The following WWOX variants were observed in gnomAD, a reference collection of about 807,000 sequenced individuals.
WWOX encodes WW domain containing oxidoreductase.
WWOX carries 69 observed loss-of-function variants against 46.2 expected under a neutral mutation model. The ratio of observed to expected loss-of-function variants is 1.49; its 90% CI spans 1.23 to 1.82. WWOX has a LOEUF of 1.82. Among genes scored for constraint, WWOX ranks in the 40% most tolerant of loss-of-function variants. WWOX has a pLI of 0.00. For synonymous variants in WWOX, 359 were observed against 202.6 expected (o/e 1.77, Z -6.56); for missense variants, 919 against 542.6 (o/e 1.69, Z -6.89).
At chr16:78,209,256 C>T (rs1387808991) in intron 5 of WWOX, among the ~76,000 whole-genome samples, 4 of 152,286 alleles carry the variant, frequency 2.6e-5, no homozygotes, top group Non-Finnish European at 4.4e-5. Flanking sequence ...CAGCAAGGAG[C>T]TCTGCAGCCC....
At chr16:78,403,213 G>A (rs1316121115) in intron 6 of WWOX, among the ~76,000 whole-genome samples, 2 of 152,112 alleles carry the variant, frequency 1.3e-5, no homozygotes, top group Non-Finnish European at 2.9e-5. Context: ...TTTTCTTATT[G>A]TTTGTAAGTT....
intron 5 of WWOX, among the ~76,000 whole-genome samples, chr16:78,184,571 A>G (rs1306226645): frequency 9.0e-6 from 1 of 111,170 alleles, no homozygotes; most frequent in Non-Finnish European, 2.3e-5. Context: ...TTCCCCGTTT[A>G]TACTATAAAC....
chr16:79,060,490 C>T (rs985830607), intron 8 of WWOX, among the ~76,000 whole-genome samples: 4 of 152,188 alleles, frequency 2.6e-5, no homozygotes, highest in African/African-American at 9.7e-5. Context: ...TGAATTTTTC[C>T]AATTTGTGCT....
chr16:78,161,487 C>G lies in WWOX; in HGVS notation c.410-2696C>G, dbSNP rs150636559. Among the ~76,000 whole-genome samples, 14 of 151,940 alleles carry G rather than the reference C, an allele frequency of 9.2e-5. No homozygotes were observed. The East Asian group carries it at 2.7e-3, about 29-fold the overall frequency. Reference sequence around the variant, plus strand: ...ATTGAGACAGGGCCTTGCTCTGTCACTCTGGCTGGAGTGCAGTGGCATAAT... The same window carrying G: ...ATTGAGACAGGGCCTTGCTCTGTCAGTCTGGCTGGAGTGCAGTGGCATAAT... On this transcript the variant is annotated intron_variant, in intron 4 of 8. Transcript: ENST00000566780.
chr16:78,852,563 C>G lies in WWOX; in HGVS notation c.1057-359045C>G, dbSNP rs1219435849. ...GGATGACCACAGATGAAATGACCAT[C>G]TTGACTTAGGAGACACCCAAGTCAA... On this transcript the variant is annotated intron_variant, in intron 8 of 8. Transcript: ENST00000566780. Among the ~76,000 whole-genome samples the G allele has an allele frequency of 3.9e-5, 6 of 152,192 alleles. No homozygotes were observed. The East Asian group carries it at 1.2e-3, about 29-fold the overall frequency.
chr16:78,800,649 G>A (rs899220100), intron 8 of WWOX, among the ~76,000 whole-genome samples: 10 of 152,228 alleles, frequency 6.6e-5, no homozygotes, highest in African/African-American at 1.4e-4. Flanking sequence ...CAAAGGGGAA[G>A]CTGAGAACAG....
At chr16:78,450,402 A>C (rs1296145920) in intron 8 of WWOX, among the ~76,000 whole-genome samples, 1 of 152,184 alleles carries the variant, frequency 6.6e-6, no homozygotes, top group African/African-American at 2.4e-5. Flanking sequence ...TGAGAGAGAA[A>C]TCTTTTCTGA....
intron 8 of WWOX, among the ~76,000 whole-genome samples, chr16:78,978,986 C>A (rs1379458041): frequency 6.6e-6 from 1 of 152,072 alleles, no homozygotes; most frequent in Non-Finnish European, 1.5e-5. Flanking sequence ...GAAGCAGGTG[C>A]AATCATTTTA....
At chr16:78,501,575 C>T (rs973301761) in intron 8 of WWOX, among the ~76,000 whole-genome samples, 3 of 151,196 alleles carry the variant, frequency 2.0e-5, no homozygotes, top group Non-Finnish European at 2.9e-5. Flanking sequence ...CTTCCTCTGT[C>T]ACCCAGGCTG....
At chr16:78,719,806 T>C (rs2048649644) in intron 8 of WWOX, among the ~76,000 whole-genome samples, 1 of 152,176 alleles carries the variant, frequency 6.6e-6, no homozygotes, top group South Asian at 2.1e-4. Flanking sequence ...TCTCTTATTA[T>C]AACAAACACC....
intron 8 of WWOX, among the ~76,000 whole-genome samples, chr16:78,590,046 G>C (rs568409229): frequency 6.6e-6 from 1 of 152,130 alleles, no homozygotes; most frequent in African/African-American, 2.4e-5. Flanking sequence ...TAAGTCCTAG[G>C]ATTATAGAAG....
At chr16:78,933,627 G>A (rs968608897) in intron 8 of WWOX, among the ~76,000 whole-genome samples, 1 of 152,132 alleles carries the variant, frequency 6.6e-6, no homozygotes, top group Non-Finnish European at 1.5e-5. Context: ...AAAGAAAGAA[G>A]TTTATTGGAC....
intron 8 of WWOX, among the ~76,000 whole-genome samples, chr16:78,707,456 G>A (rs997199416): frequency 2.6e-5 from 4 of 152,194 alleles, no homozygotes; most frequent in Non-Finnish European, 5.9e-5. Flanking sequence ...TCTTGGGCTA[G>A]TTGGTATAGC....
At chr16:78,373,094 C>T (rs911031782) in intron 5 of WWOX, among the ~76,000 whole-genome samples, 1 of 152,048 alleles carries the variant, frequency 6.6e-6, no homozygotes, top group African/African-American at 2.4e-5. Context: ...CTGGACAATG[C>T]TTTTTTTCAG....
intron 8 of WWOX, among the ~76,000 whole-genome samples, chr16:78,459,843 C>T (rs2083908453): frequency 6.7e-6 from 1 of 148,498 alleles, no homozygotes; most frequent in Non-Finnish European, 1.5e-5. Context: ...AGTCTGTCAC[C>T]CAGGCTGCTG....
intron 8 of WWOX, among the ~76,000 whole-genome samples, chr16:78,600,359 G>T (rs146190833): frequency 2.9e-4 from 44 of 152,202 alleles, no homozygotes; most frequent in Middle Eastern, 3.4e-3. Flanking sequence ...TGGAGGGGGG[G>T]CCCCAGATGA....
chr16:78,824,384 C>T (rs2051590112), intron 8 of WWOX, among the ~76,000 whole-genome samples: 1 of 152,282 alleles, frequency 6.6e-6, no homozygotes, highest in South Asian at 2.1e-4. Context: ...GACTCTACAA[C>T]TCTGTTTTCC....
intron 8 of WWOX, among the ~76,000 whole-genome samples, chr16:78,828,762 C>G (rs1160995309): frequency 2.0e-5 from 3 of 152,014 alleles, no homozygotes; most frequent in Admixed American, 6.6e-5. Context: ...AAAGTGGGCA[C>G]AATTATTATT....
intron 8 of WWOX, among the ~76,000 whole-genome samples, chr16:79,129,544 G>A (rs949498552): frequency 1.7e-4 from 26 of 151,758 alleles, no homozygotes; most frequent in South Asian, 1.0e-3. Flanking sequence ...CCGAAAGACT[G>A]CTGTATTTAT....
Sources: gnomAD v4.1 joint callset for allele counts (sites outside exome capture counted in the v4.1 genomes callset) on GRCh38, gnomAD v4.1.1 for gene constraint, MANE v1.5 for transcripts, NCBI Gene and HGNC (gene_info 2026-07-23, HGNC 2026-07-21) for gene names.